The following YLPM1 variants were observed in gnomAD, a reference collection of about 807,000 sequenced individuals.
The protein encoded by YLPM1 is YLP motif containing 1.
In YLPM1, 99 loss-of-function variants were observed where a neutral mutation model predicts 230.0. The ratio of observed to expected loss-of-function variants is 0.43; its 90% CI spans 0.37 to 0.51. The LOEUF (loss-of-function observed/expected upper bound fraction) is 0.51. Ranked by LOEUF, YLPM1 falls within the 20% of genes least tolerant of loss-of-function variation. The probability of loss-of-function intolerance (pLI) is 0.00; values close to 1 mark genes in which losing one functional copy is unlikely to be tolerated. For synonymous variants in YLPM1, 984 were observed against 942.5 expected (o/e 1.04, Z -0.81); for missense variants, 2,592 against 2,707.7 (o/e 0.96, Z 0.95).
chr14:74,770,230 C>T (rs927816910), intron 1 of YLPM1, among the ~76,000 whole-genome samples: 24 of 150,800 alleles, frequency 1.6e-4, no homozygotes, highest in African/African-American at 2.7e-4. Context: ...CCTGTAGTGC[C>T]GGCTACTTGC....
At chr14:74,816,895 T>G in intron 13 of YLPM1, 36 bp from the exon 14 acceptor site, 2 of 1,526,270 alleles carry the variant, frequency 1.3e-6, no homozygotes, top group South Asian at 1.3e-5. Flanking sequence ...GATTCTTTGC[T>G]TTTGCTAATT....
At chr14:74,799,765 T>C in intron 5 of YLPM1, 68 bp downstream of exon 5, 1 of 1,467,338 alleles carries the variant, frequency 6.8e-7, no homozygotes, top group East Asian at 2.4e-5. Flanking sequence ...TTTAAAGTGA[T>C]ATGATATATT....
chr14:74,817,224 C>T lies in YLPM1; in HGVS notation c.5893C>T (p.Gln1965Ter). The change falls in exon 15 of 21, where the codon CAG becomes TAG. Residue 1965 changes from glutamine (Q) to a stop codon, truncating the protein, a stop_gained. Coordinates refer to ENST00000325680, the MANE Select transcript of YLPM1 (RefSeq NM_019589.3). LOFTEE classifies it high-confidence loss of function. ...VYLAEMSADN[Q>*]TCGKRNIHGR... is the part of the protein sequence containing the mutation. ...TTTGGCTGAAATGAGTGCAGATAAC[C>T]AGACTTGTGGCAAGAGAAATATTCA... 1 of 1,601,856 alleles carries T rather than the reference C, an allele frequency of 6.2e-7. No homozygotes were observed. The highest frequency in any genetic ancestry group is 1.1e-5 in the South Asian group (1 of 88,822).
intron 4 of YLPM1, among the ~76,000 whole-genome samples, chr14:74,794,948 C>T (rs547399039): frequency 1.3e-5 from 2 of 148,634 alleles, no homozygotes; most frequent in East Asian, 3.9e-4. Context: ...GTTCGGATTC[C>T]TTGCCTCATG....
At chr14:74,781,300 T>C (rs1471496969) in intron 3 of YLPM1, 34 bp from the exon 4 acceptor site, 1 of 1,478,554 alleles carries the variant, frequency 6.8e-7, no homozygotes, top group Non-Finnish European at 9.0e-7. Flanking sequence ...CTTATATGAA[T>C]GGTTTTAAAT....
chr14:74,809,885 C>T (rs2091417486), intron 7 of YLPM1, 25 bp from the exon 8 acceptor site: 4 of 1,603,238 alleles, frequency 2.5e-6, no homozygotes, highest in African/African-American at 2.7e-5. Flanking sequence ...TCTTACAGTA[C>T]TTTATCTCTG....
Position 74,809,671 on chromosome 14 carries a change from G to A in YLPM1, c.4813G>A (p.Ala1605Thr), listed in dbSNP as rs747426712. Residue 1605 changes from alanine to threonine, a missense_variant, in exon 7 of 21, where the codon GCT (alanine) becomes ACT (threonine). Coordinates refer to ENST00000325680, the MANE Select transcript of YLPM1 (RefSeq NM_019589.3). ...FKSETAAIPS[A>T]PVLPPPPVHS... ...GTCAGAAACTGCAGCAATTCCATCTGCTCCAGTATTACCACCCCCACCTGT... is the reference window on the plus strand; with the variant it reads ...GTCAGAAACTGCAGCAATTCCATCTACTCCAGTATTACCACCCCCACCTGT... The A allele has an allele frequency of 3.1e-6, 5 of 1,613,900 alleles. No individual in the cohort carries two copies. The African/African-American group carries it at 6.7e-5, about 22-fold the overall frequency.
At chr14:74,774,218 C>A (rs1045783970) in intron 1 of YLPM1, among the ~76,000 whole-genome samples, 2 of 152,122 alleles carry the variant, frequency 1.3e-5, no homozygotes, top group African/African-American at 2.4e-5. Context: ...AGTCATCTGG[C>A]CACACAGTAC....
chr14:74,781,847 C>T lies in YLPM1; in HGVS notation c.1804C>T (p.Pro602Ser), dbSNP rs1324195455. ...ACCTTCCCTGTCTTCTGCAGGGCCA[C>T]CACCAGTTCTTCCCCCACCATCTCT... is the stretch of plus-strand genomic sequence containing the variant. ...PPPSLSSAGP[P>S]PVLPPPSLSS... Residue 602 changes from proline to serine, a missense_variant, in exon 4 of 21, where the codon CCA (proline) becomes TCA (serine). Around this residue, in one of 4 missense-constraint regions of YLPM1, gnomAD observed 1,862 missense variants for 1,819.8 expected, o/e 1.02. Coordinates refer to ENST00000325680, the MANE Select transcript of YLPM1 (RefSeq NM_019589.3). The T allele has an allele frequency of 1.6e-5, 25 of 1,612,694 alleles. No individual in the cohort carries two copies. The highest frequency in any genetic ancestry group is 2.1e-5 in the Non-Finnish European group (25 of 1,179,290).
intron 16 of YLPM1, among the ~76,000 whole-genome samples, chr14:74,818,996 T>C (rs1268835861): frequency 1.3e-5 from 2 of 152,164 alleles, no homozygotes; most frequent in Non-Finnish European, 2.9e-5. Context: ...GTGTGTCACA[T>C]CAGGAGCCAT....
At chr14:74,789,067 A>T (rs987831855) in intron 4 of YLPM1, among the ~76,000 whole-genome samples, 2 of 152,152 alleles carry the variant, frequency 1.3e-5, no homozygotes, top group African/African-American at 4.8e-5. Context: ...TCATAAATTC[A>T]ATGTTTAAAT....
At chr14:74,811,540 C>A in intron 9 of YLPM1, 80 bp from the exon 10 acceptor site, 1 of 984,458 alleles carries the variant, frequency 1.0e-6, no homozygotes, top group Non-Finnish European at 1.5e-6. Context: ...GAAAATTGGG[C>A]AGTTAATGCT....
chr14:74,829,217 G>A lies in YLPM1; in HGVS notation c.6168G>A (p.Lys2056=), dbSNP rs1351006321. The A allele has an allele frequency of 1.2e-6, 2 of 1,613,016 alleles. No homozygotes were observed. The highest frequency in any genetic ancestry group is 1.7e-6 in the Non-Finnish European group (2 of 1,179,248). Reference sequence around the variant, plus strand: ...GGCTCTGTGTTTGTCCCTCAGACAAGTTGGATGGCTTGAGGACTGGTACTA... The same window carrying A: ...GGCTCTGTGTTTGTCCCTCAGACAAATTGGATGGCTTGAGGACTGGTACTA... The part of the protein sequence containing the change: ...EMDTSEAKLD[K]LDGLRTGTKR... The change falls in exon 19 of 21, where the codon AAG becomes AAA. Residue 2056 remains lysine (K), a synonymous_variant. Coordinates refer to ENST00000325680, the MANE Select transcript of YLPM1 (RefSeq NM_019589.3).
Position 74,780,707 on chromosome 14 carries a change from A to G in YLPM1, c.1290+123A>G, listed in dbSNP as rs918356852. The G allele has an allele frequency of 3.5e-6, 5 of 1,445,320 alleles. 1 individual carries two copies. The South Asian group carries it at 6.5e-5, about 19-fold the overall frequency. 89.5% of individuals were successfully genotyped at this position (1,445,320 alleles called of 1,614,324 possible). ...ACTGTTGACAATTAGTTGTTTCCCAAGGGGTGCCCAAGTAGTTATCTGCCA... is the reference window on the plus strand; with the variant it reads ...ACTGTTGACAATTAGTTGTTTCCCAGGGGGTGCCCAAGTAGTTATCTGCCA... On this transcript the variant is annotated intron_variant, in intron 3 of 20. Coordinates refer to ENST00000325680, the MANE Select transcript of YLPM1 (RefSeq NM_019589.3).
At chr14:74,802,935 G>A (rs1323191094) in intron 6 of YLPM1, among the ~76,000 whole-genome samples, 1 of 152,046 alleles carries the variant, frequency 6.6e-6, no homozygotes, top group African/African-American at 2.4e-5. Context: ...TCACAAAATG[G>A]TAGAATTTTT....
Position 74,810,320 on chromosome 14 carries a change from A to T in YLPM1, c.5128A>T (p.Lys1710Ter). The change falls in exon 9 of 21, where the codon AAA (lysine) becomes TAA (stop). Residue 1710 changes from lysine (K) to a stop codon, truncating the protein, a stop_gained. Coordinates refer to ENST00000325680, the MANE Select transcript of YLPM1 (RefSeq NM_019589.3). LOFTEE classifies it high-confidence loss of function. ...TGTCATAGCAGATCATCGAGATTTTAAAAGGGATCGTGAGACACATAGAGA... is the reference window on the plus strand; with the variant it reads ...TGTCATAGCAGATCATCGAGATTTTTAAAGGGATCGTGAGACACATAGAGA... ...SNVIADHRDF[K>*]RDRETHRDRD... 6.2e-7 allele frequency: 1 copy of T among 1,613,882 alleles called. No homozygotes were observed. The highest frequency in any genetic ancestry group is 8.5e-7 in the Non-Finnish European group (1 of 1,179,868).
intron 4 of YLPM1, among the ~76,000 whole-genome samples, chr14:74,786,917 A>G (rs985585220): frequency 6.6e-6 from 1 of 152,214 alleles, no homozygotes; most frequent in African/African-American, 2.4e-5. Context: ...TATTCTCACC[A>G]GCAGTGTTTC....
chr14:74,768,267 T>C (rs2090933618), intron 1 of YLPM1, among the ~76,000 whole-genome samples: 1 of 152,044 alleles, frequency 6.6e-6, no homozygotes, highest in Non-Finnish European at 1.5e-5. Flanking sequence ...TGTTTGTTTC[T>C]GAGAGAGAGT....
intron 4 of YLPM1, among the ~76,000 whole-genome samples, chr14:74,789,217 G>C (rs920700191): frequency 2.0e-5 from 3 of 152,062 alleles, no homozygotes; most frequent in African/African-American, 7.2e-5. Context: ...ATAAGGGATT[G>C]GCAAGCTTTC....
Sources: gnomAD v4.1 joint callset for allele counts (sites outside exome capture counted in the v4.1 genomes callset) on GRCh38, gnomAD v4.1.1 for gene constraint, gnomAD v4.1.1 regional missense constraint, MANE v1.5 for transcripts, NCBI Gene and HGNC (gene_info 2026-07-23, HGNC 2026-07-21) for gene names.